Variants in PEBP4 observed in about 807,000 individuals in gnomAD.
PEBP4 encodes phosphatidylethanolamine-binding protein 4.
PEBP4 carries 22 observed loss-of-function variants against 23.9 expected under a neutral mutation model. That is an observed-to-expected ratio of 0.92 (90% CI 0.66 to 1.31). The LOEUF is 1.31. Ranked by LOEUF, PEBP4 falls within the 40% of genes most tolerant of loss-of-function variation. The probability of loss-of-function intolerance (pLI) is 0.00; values close to 1 mark genes in which losing one functional copy is unlikely to be tolerated. For synonymous variants in PEBP4, 112 were observed against 99.3 expected, an observed-to-expected ratio of 1.13 and a Z score of -0.76; for missense variants, 324 against 281.7, an observed-to-expected ratio of 1.15 and a Z score of -1.07.
At chr8:22,835,088 A>C (rs1294914975) in intron 3 of PEBP4, among the ~76,000 whole-genome samples, 2 of 152,192 alleles carry the variant, frequency 1.3e-5, no homozygotes, top group African/African-American at 4.8e-5. Flanking sequence ...ATTCGAGTAA[A>C]CGAGTAAATG....
chr8:22,886,063 A>G (rs1808366877), intron 3 of PEBP4: 1 of 152,176 alleles, frequency 6.6e-6, no homozygotes, highest in Admixed American at 6.5e-5. Context: ...CTCACTCATC[A>G]ATCATTTCTT....
At chr8:22,878,799 G>C (rs901512039) in intron 3 of PEBP4, among the ~76,000 whole-genome samples, 3 of 152,216 alleles carry the variant, frequency 2.0e-5, no homozygotes, top group Non-Finnish European at 4.4e-5. Flanking sequence ...GGGGAAAATA[G>C]CCCTCCTTTT....
At position 22,764,238 on chromosome 8, in the gene PEBP4, T is replaced by C. The variant is rs1805565626; in HGVS notation, c.358-37018A>G. On this transcript the variant is annotated intron_variant, in intron 4 of 6. Coordinates refer to ENST00000256404, the MANE Select transcript of PEBP4 (RefSeq NM_144962.3). ...CAAGTATGTTGTTTTTTAAAAAAGCTCTGCACACTTGAATCTAATACACAC... is the reference window on the plus strand; with the variant it reads ...CAAGTATGTTGTTTTTTAAAAAAGCCCTGCACACTTGAATCTAATACACAC... Among the ~76,000 whole-genome samples, 5 of 152,262 alleles carry C rather than the reference T, an allele frequency of 3.3e-5. No homozygotes were observed. The South Asian group carries it at 1.0e-3, about 32-fold the overall frequency.
chr8:22,841,915 C>T (rs1444849392), intron 3 of PEBP4, among the ~76,000 whole-genome samples: 2 of 152,226 alleles, frequency 1.3e-5, no homozygotes, highest in Non-Finnish European at 2.9e-5. Context: ...TCTTTGGTTT[C>T]CAGTGCTGCT....
intron 3 of PEBP4, among the ~76,000 whole-genome samples, chr8:22,872,261 C>G (rs1160900239): frequency 6.6e-6 from 1 of 152,204 alleles, no homozygotes; most frequent in African/African-American, 2.4e-5. Context: ...CTTTTTAACT[C>G]TATCCATTGT....
chr8:22,810,428 C>G (rs929514006), intron 4 of PEBP4, among the ~76,000 whole-genome samples: 2 of 152,190 alleles, frequency 1.3e-5, no homozygotes, highest in Non-Finnish European at 2.9e-5. Flanking sequence ...TCCCCTCCCC[C>G]ACCGCCAACC....
chr8:22,856,247 A>G (rs1189225341), intron 3 of PEBP4, among the ~76,000 whole-genome samples: 1 of 152,200 alleles, frequency 6.6e-6, no homozygotes, highest in Non-Finnish European at 1.5e-5. Flanking sequence ...ACATTGCCAA[A>G]AAGCACATGA....
chr8:22,719,981 G>A (rs1804488580), intron 6 of PEBP4, among the ~76,000 whole-genome samples: 1 of 152,262 alleles, frequency 6.6e-6, no homozygotes, highest in African/African-American at 2.4e-5. Flanking sequence ...GTGAGAACGT[G>A]CAGATCCATG....
At chr8:22,769,433 T>G (rs1163141428) in intron 4 of PEBP4, among the ~76,000 whole-genome samples, 1 of 152,234 alleles carries the variant, frequency 6.6e-6, no homozygotes, top group Non-Finnish European at 1.5e-5. Flanking sequence ...GGTAAAGATA[T>G]TCTGAGTTCC....
intron 3 of PEBP4, among the ~76,000 whole-genome samples, chr8:22,854,979 T>A (rs1807611580): frequency 6.9e-6 from 1 of 145,658 alleles, no homozygotes. Context: ...TCCAAATGAG[T>A]GTGTATGTGT....
chr8:22,888,540 T>A (rs534352328), intron 3 of PEBP4, among the ~76,000 whole-genome samples: 2 of 152,342 alleles, frequency 1.3e-5, no homozygotes, highest in South Asian at 2.1e-4. Context: ...GGCTTCTGCC[T>A]ATCTCTGGCC....
intron 1 of PEBP4, among the ~76,000 whole-genome samples, chr8:22,936,610 C>T (rs1216378386): frequency 1.3e-5 from 2 of 152,118 alleles, no homozygotes; most frequent in African/African-American, 4.8e-5. Context: ...GTGAAGCCAG[C>T]GTTACTATGA....
At chr8:22,859,693 G>A (rs774288525) in intron 3 of PEBP4, among the ~76,000 whole-genome samples, 1 of 152,104 alleles carries the variant, frequency 6.6e-6, no homozygotes, top group Non-Finnish European at 1.5e-5. Context: ...CACGGCATTT[G>A]AGGCCCATCT....
intron 4 of PEBP4, among the ~76,000 whole-genome samples, chr8:22,802,172 G>A (rs1252482932): frequency 1.3e-5 from 2 of 152,186 alleles, no homozygotes; most frequent in Non-Finnish European, 2.9e-5. Context: ...CGCTGCAGGA[G>A]GAGGGTGTTG....
chr8:22,816,682 C>T (rs1806747204), intron 4 of PEBP4, among the ~76,000 whole-genome samples: 1 of 152,186 alleles, frequency 6.6e-6, no homozygotes, highest in South Asian at 2.1e-4. Flanking sequence ...CAGCCAAGGT[C>T]CAAACCACAT....
chr8:22,774,592 TG>T (rs898561413), intron 4 of PEBP4, among the ~76,000 whole-genome samples: 6 of 151,988 alleles, frequency 3.9e-5, no homozygotes, highest in Non-Finnish European at 8.8e-5. Context: ...AAATCACCGA[TG>T]GGGGGTAGGG....
At chr8:22,762,667 A>C (rs1237066018) in intron 4 of PEBP4, among the ~76,000 whole-genome samples, 1 of 152,074 alleles carries the variant, frequency 6.6e-6, no homozygotes, top group East Asian at 1.9e-4. Context: ...GAGAGGTAGA[A>C]TTACTTCTCC....
chr8:22,857,220 C>T (rs562117866), intron 3 of PEBP4, among the ~76,000 whole-genome samples: 1 of 147,768 alleles, frequency 6.8e-6, no homozygotes, highest in African/African-American at 2.6e-5. Context: ...GTGGACATTT[C>T]CTACTTTAAA....
intron 3 of PEBP4, among the ~76,000 whole-genome samples, chr8:22,911,022 G>A (rs1319924168): frequency 6.6e-6 from 1 of 152,110 alleles, no homozygotes; most frequent in Non-Finnish European, 1.5e-5. Flanking sequence ...TGAGGGTAGG[G>A]GAGGCTGTGC....
Sources: gnomAD v4.1 joint callset for allele counts (sites outside exome capture counted in the v4.1 genomes callset) on GRCh38, gnomAD v4.1.1 for gene constraint, MANE v1.5 for transcripts, NCBI Gene and HGNC (gene_info 2026-07-23, HGNC 2026-07-21) for gene names.